The following CSMD3 variants were observed in gnomAD, a reference collection of about 807,000 sequenced individuals.
CSMD3 encodes CUB and sushi domain-containing protein 3.
CSMD3 carries 177 observed loss-of-function variants against 435.2 expected under a neutral mutation model. The ratio of observed to expected loss-of-function variants is 0.41; its 90% CI spans 0.36 to 0.46. CSMD3 has a LOEUF of 0.46. Among genes scored for constraint, CSMD3 ranks in the 20% least tolerant of loss-of-function variants. The probability of loss-of-function intolerance (pLI) is 0.34; values close to 1 mark genes in which losing one functional copy is unlikely to be tolerated. For missense variants in CSMD3, 4,265 were observed against 4,504.6 expected (o/e 0.95, Z 1.52); for synonymous variants, 1,656 against 1,520.5 (o/e 1.09, Z -2.07).
intron 41 of CSMD3, among the ~76,000 whole-genome samples, chr8:112,343,641 G>GT (rs1432070609): frequency 1.3e-5 from 2 of 151,946 alleles, no homozygotes; most frequent in Admixed American, 6.6e-5. Flanking sequence ...TTAACTTTTT[G>GT]TTTTTTCATT....
At chr8:112,431,800 A>T (rs750017434) in intron 32 of CSMD3, among the ~76,000 whole-genome samples, 1 of 152,124 alleles carries the variant, frequency 6.6e-6, no homozygotes, top group Non-Finnish European at 1.5e-5. Flanking sequence ...AGTTCTACAT[A>T]TTGAGTCATA....
Position 112,408,345 on chromosome 8 carries a change from C to A in CSMD3, c.5578G>T (p.Ala1860Ser). The A allele has an allele frequency of 6.2e-7, 1 of 1,609,636 alleles. No homozygotes were observed. Residue 1860 changes from alanine to serine, a missense_variant, in exon 34 of 71, where the codon GCT (alanine) becomes TCT (serine). By Grantham distance (99) the Ala-to-Ser change is moderately conservative. This residue lies in a region of CSMD3 where 3,255 missense variants were observed against 3,380.2 expected (regional missense o/e 0.96). Coordinates refer to ENST00000297405, the MANE Select transcript of CSMD3 (RefSeq NM_198123.2). Reference sequence around the variant, plus strand: ...TGGTAAACAAAGTGAAATCCCTTAGCTGTTATTGGTCCAACTGAAGTAAAT... The same window carrying A: ...TGGTAAACAAAGTGAAATCCCTTAGATGTTATTGGTCCAACTGAAGTAAAT... ...IRFTSVGPIT[A>S]KGFHFVYQAV...
At chr8:112,229,899 A>G (rs1333428975) in intron 69 of CSMD3, among the ~76,000 whole-genome samples, 1 of 152,174 alleles carries the variant, frequency 6.6e-6, no homozygotes, top group Non-Finnish European at 1.5e-5. Flanking sequence ...TAAAAAAAAA[A>G]AAAAAGGAAT....
At chr8:112,268,721 T>C (rs1247079713) in intron 59 of CSMD3, among the ~76,000 whole-genome samples, 3 of 152,188 alleles carry the variant, frequency 2.0e-5, no homozygotes, top group Non-Finnish European at 4.4e-5. Context: ...TGAGCATCAT[T>C]ACATATGTAT....
intron 3 of CSMD3, among the ~76,000 whole-genome samples, chr8:113,271,939 T>C (rs944512965): frequency 6.6e-6 from 1 of 152,180 alleles, no homozygotes; most frequent in Non-Finnish European, 1.5e-5. Context: ...GACCTGGATG[T>C]GAGACATGGA....
intron 20 of CSMD3, 109 bp from the exon 21 acceptor site, chr8:112,639,020 A>C: frequency 1.4e-6 from 1 of 727,436 alleles, no homozygotes; most frequent in Non-Finnish European, 2.4e-6. Context: ...AAATTTTCTG[A>C]AAATGAGAGG....
chr8:112,356,992 C>A (rs1199767360), intron 38 of CSMD3, among the ~76,000 whole-genome samples: 1 of 152,096 alleles, frequency 6.6e-6, no homozygotes, highest in African/African-American at 2.4e-5. Flanking sequence ...AAAAGATACT[C>A]AAAAATGTGG....
chr8:113,207,208 T>G (rs1189161646), intron 3 of CSMD3, among the ~76,000 whole-genome samples: 3 of 152,146 alleles, frequency 2.0e-5, no homozygotes, highest in African/African-American at 7.2e-5. Flanking sequence ...ATTTTCCTCC[T>G]TGGAATGAAC....
At chr8:112,360,657 T>C (rs1827103862) in intron 38 of CSMD3, among the ~76,000 whole-genome samples, 1 of 151,892 alleles carries the variant, frequency 6.6e-6, no homozygotes, top group Non-Finnish European at 1.5e-5. Context: ...TAAATTATTT[T>C]TGTATATAAT....
At chr8:113,048,768 C>CT (rs1229901802) in intron 5 of CSMD3, among the ~76,000 whole-genome samples, 2 of 152,188 alleles carry the variant, frequency 1.3e-5, no homozygotes, top group East Asian at 3.9e-4. Context: ...GTTCTTTTCC[C>CT]TTGTCCTGTG....
chr8:112,416,550 T>A (rs1811931569), intron 32 of CSMD3, among the ~76,000 whole-genome samples: 2 of 152,208 alleles, frequency 1.3e-5, no homozygotes, highest in Non-Finnish European at 1.5e-5. Context: ...CTTTTGGAAG[T>A]CACTTTTAAT....
intron 5 of CSMD3, among the ~76,000 whole-genome samples, chr8:113,087,515 G>C (rs1398451356): frequency 6.6e-6 from 1 of 152,172 alleles, no homozygotes; most frequent in Non-Finnish European, 1.5e-5. Flanking sequence ...CAGAGATATA[G>C]ATCAATGGAA....
At chr8:113,154,500 A>C (rs756902465) in intron 4 of CSMD3, among the ~76,000 whole-genome samples, 1 of 152,000 alleles carries the variant, frequency 6.6e-6, no homozygotes, top group Non-Finnish European at 1.5e-5. Flanking sequence ...TTTATTGAGT[A>C]ACTACTATGG....
intron 3 of CSMD3, among the ~76,000 whole-genome samples, chr8:113,203,137 C>A (rs1433796790): frequency 6.6e-6 from 1 of 151,770 alleles, no homozygotes; most frequent in Non-Finnish European, 1.5e-5. Flanking sequence ...ACATTCTCAT[C>A]CCCCGAAAAT....
chr8:112,335,612 G>T, intron 44 of CSMD3, 138 bp from the exon 45 acceptor site: 1 of 752,452 alleles, frequency 1.3e-6, no homozygotes, highest in Non-Finnish European at 2.3e-6. Flanking sequence ...TAACCAATGA[G>T]TACAAATTAT....
chr8:112,277,946 A>G (rs947490748), intron 59 of CSMD3, among the ~76,000 whole-genome samples: 3 of 152,088 alleles, frequency 2.0e-5, no homozygotes, highest in Admixed American at 6.5e-5. Context: ...GGGAGCTACA[A>G]TCTAAGATGA....
At chr8:113,097,161 C>T (rs1490528769) in intron 5 of CSMD3, among the ~76,000 whole-genome samples, 8 of 151,986 alleles carry the variant, frequency 5.3e-5, no homozygotes, top group Non-Finnish European at 1.2e-4. Flanking sequence ...AGAAGTAAAA[C>T]GTTCACTAAA....
intron 1 of CSMD3, among the ~76,000 whole-genome samples, chr8:113,360,222 C>T (rs1454531766): frequency 6.6e-6 from 1 of 152,040 alleles, no homozygotes; most frequent in Non-Finnish European, 1.5e-5. Flanking sequence ...CAGTCAAGTA[C>T]CAGTGACAAG....
intron 5 of CSMD3, among the ~76,000 whole-genome samples, chr8:113,061,922 T>A (rs113254230): frequency 1.3e-5 from 2 of 151,868 alleles, no homozygotes; most frequent in Admixed American, 6.6e-5. Context: ...TATTTCATTA[T>A]GTCTTCTTTG....
Sources: gnomAD v4.1 joint callset for allele counts (sites outside exome capture counted in the v4.1 genomes callset) on GRCh38, gnomAD v4.1.1 for gene constraint, gnomAD v4.1.1 regional missense constraint, MANE v1.5 for transcripts, NCBI Gene and HGNC (gene_info 2026-07-23, HGNC 2026-07-21) for gene names.